HS6ST3: variants seen among roughly 807,000 people sequenced by gnomAD.
HS6ST3 encodes heparan-sulfate 6-O-sulfotransferase 3.
A neutral mutation model predicts 36.7 loss-of-function variants in HS6ST3; 12 were observed. The observed-to-expected ratio is 0.33, with a 90% confidence interval of 0.21 to 0.53. The LOEUF is 0.53. Ranked by LOEUF, HS6ST3 falls within the 20% of genes least tolerant of loss-of-function variation. HS6ST3 has a pLI of 0.95. For synonymous variants in HS6ST3, 240 were observed against 257.5 expected (o/e 0.93, Z 0.65); for missense variants, 584 against 640.9 (o/e 0.91, Z 0.96).
intron 1 of HS6ST3, among the ~76,000 whole-genome samples, chr13:96,273,812 G>T (rs1239721773): frequency 6.6e-6 from 1 of 152,110 alleles, no homozygotes; most frequent in African/African-American, 2.4e-5. Context: ...AGAAGGCATG[G>T]AAAGAGCTGA....
At chr13:96,363,288 A>T (rs886291526) in intron 1 of HS6ST3, among the ~76,000 whole-genome samples, 3 of 127,178 alleles carry the variant, frequency 2.4e-5, no homozygotes, top group Non-Finnish European at 4.9e-5. Flanking sequence ...GTCTTCCTGT[A>T]CATTTTTTTT....
At chr13:96,276,896 G>C (rs1480966751) in intron 1 of HS6ST3, among the ~76,000 whole-genome samples, 1 of 152,168 alleles carries the variant, frequency 6.6e-6, no homozygotes, top group Non-Finnish European at 1.5e-5. Flanking sequence ...ACGCTACCAA[G>C]ATACTGCAAG....
At chr13:96,827,124 G>A (rs1878665477) in intron 1 of HS6ST3, among the ~76,000 whole-genome samples, 1 of 152,174 alleles carries the variant, frequency 6.6e-6, no homozygotes, top group African/African-American at 2.4e-5. Flanking sequence ...TTGGTAGTTA[G>A]CATTTCTTTC....
chr13:96,253,311 A>G (rs1478557136), intron 1 of HS6ST3, among the ~76,000 whole-genome samples: 3 of 152,120 alleles, frequency 2.0e-5, no homozygotes, highest in Non-Finnish European at 4.4e-5. Context: ...GAGGTGCAAC[A>G]TAAGTGGACC....
At chr13:96,397,760 C>T (rs1490120457) in intron 1 of HS6ST3, among the ~76,000 whole-genome samples, 2 of 152,202 alleles carry the variant, frequency 1.3e-5, no homozygotes, top group African/African-American at 4.8e-5. Context: ...TTACACAGAA[C>T]TTACAACAGA....
At chr13:96,457,929 G>T (rs536459648) in intron 1 of HS6ST3, among the ~76,000 whole-genome samples, 8 of 151,610 alleles carry the variant, frequency 5.3e-5, no homozygotes, top group Non-Finnish European at 1.0e-4. Flanking sequence ...CATTAAGAAG[G>T]CTAAGAGTCT....
At chr13:96,446,956 AGGTGTGCCTTC>A (rs1159865659) in intron 1 of HS6ST3, among the ~76,000 whole-genome samples, 5 of 152,106 alleles carry the variant, frequency 3.3e-5, no homozygotes, top group African/African-American at 9.7e-5. Flanking sequence ...CTTTTTCCCT[AGGTGTGCCTTC>A]AAGTCCTCTT....
chr13:96,827,305 G>T (rs543577213), intron 1 of HS6ST3, among the ~76,000 whole-genome samples: 2 of 152,252 alleles, frequency 1.3e-5, no homozygotes, highest in East Asian at 1.9e-4. Context: ...ATAGGAGTTT[G>T]CTTATTTATT....
chr13:96,425,053 G>A (rs926497289), intron 1 of HS6ST3, among the ~76,000 whole-genome samples: 29 of 152,130 alleles, frequency 1.9e-4, no homozygotes, highest in Non-Finnish European at 4.1e-4. Context: ...TCAGGAGAGG[G>A]GTAAGTATGA....
chr13:96,437,767 A>G (rs1376889066), intron 1 of HS6ST3, among the ~76,000 whole-genome samples: 1 of 152,242 alleles, frequency 6.6e-6, no homozygotes, highest in Non-Finnish European at 1.5e-5. Flanking sequence ...GCTAGGGAAA[A>G]CAGAACTGCT....
chr13:96,381,565 AT>A (rs2055341900), intron 1 of HS6ST3, among the ~76,000 whole-genome samples: 1 of 152,078 alleles, frequency 6.6e-6, no homozygotes, highest in Non-Finnish European at 1.5e-5. Flanking sequence ...GGGAAGAACA[AT>A]ACTGCCTGCC....
intron 1 of HS6ST3, among the ~76,000 whole-genome samples, chr13:96,187,448 A>C (rs2054269819): frequency 6.6e-6 from 1 of 152,198 alleles, no homozygotes; most frequent in South Asian, 2.1e-4. Flanking sequence ...GAGACTTAGA[A>C]TATGAAGCAG....
chr13:96,727,111 A>C (rs977056243), intron 1 of HS6ST3, among the ~76,000 whole-genome samples: 4 of 152,116 alleles, frequency 2.6e-5, no homozygotes, highest in Non-Finnish European at 4.4e-5. Context: ...CTGGTTTAAT[A>C]CTCTTTACTC....
intron 1 of HS6ST3, among the ~76,000 whole-genome samples, chr13:96,135,731 G>T (rs778702752): frequency 6.6e-6 from 1 of 152,194 alleles, no homozygotes; most frequent in Non-Finnish European, 1.5e-5. Context: ...CTTCAGCAGG[G>T]ATGGTGCCCG....
chr13:96,743,274 G>A (rs1470321642), intron 1 of HS6ST3, among the ~76,000 whole-genome samples: 1 of 152,104 alleles, frequency 6.6e-6, no homozygotes, highest in African/African-American at 2.4e-5. Flanking sequence ...TTAAAAGAAA[G>A]TCATTCAATG....
chr13:96,616,886 G>A (rs2056476041), intron 1 of HS6ST3, among the ~76,000 whole-genome samples: 1 of 151,486 alleles, frequency 6.6e-6, no homozygotes, highest in African/African-American at 2.5e-5. Context: ...GGCCTCATAG[G>A]CTTCCAACAA....
At chr13:96,317,678 A>G (rs969996696) in intron 1 of HS6ST3, among the ~76,000 whole-genome samples, 18 of 150,862 alleles carry the variant, frequency 1.2e-4, no homozygotes, top group African/African-American at 4.1e-4. Context: ...ATTCTTAGCC[A>G]ACAGTATATA....
At chr13:96,272,117 C>T (rs1010522270) in intron 1 of HS6ST3, among the ~76,000 whole-genome samples, 7 of 152,032 alleles carry the variant, frequency 4.6e-5, no homozygotes, top group African/African-American at 1.7e-4. Context: ...TTTTTTTGGG[C>T]ATCTCACTAA....
chr13:96,336,937 T>G (rs1310636154), intron 1 of HS6ST3, among the ~76,000 whole-genome samples: 3 of 152,234 alleles, frequency 2.0e-5, no homozygotes, highest in African/African-American at 7.2e-5. Flanking sequence ...CCAAAATTAA[T>G]AACTGTCCCA....
Sources: allele counts gnomAD v4.1 joint callset (sites outside exome capture counted in the v4.1 genomes callset), GRCh38; gene constraint gnomAD v4.1.1; transcripts MANE v1.5; gene names NCBI Gene and HGNC (gene_info 2026-07-23, HGNC 2026-07-21).